Variants in FAM161A observed in about 807,000 individuals in gnomAD.
FAM161A encodes FAM161 centrosomal protein A, also known as protein FAM161A.
FAM161A carries 57 observed loss-of-function variants against 70.9 expected under a neutral mutation model. The ratio of observed to expected loss-of-function variants is 0.80; its 90% CI spans 0.65 to 1.00. The LOEUF (loss-of-function observed/expected upper bound fraction) is 1.00. Among genes scored for constraint, FAM161A ranks in the 50% least tolerant of loss-of-function variants. FAM161A has a pLI of 0.00. For synonymous variants in FAM161A, 299 were observed against 295.7 expected (o/e 1.01, Z -0.12); for missense variants, 880 against 836.0 (o/e 1.05, Z -0.65).
chr2:61,804,358 C>A, the FAM161A span, among the ~76,000 whole-genome samples: 1 of 152,122 alleles, frequency 6.6e-6, no homozygotes, highest in Non-Finnish European at 1.5e-5. Flanking sequence ...GGGAATACAG[C>A]CCAGTAGGTC....
chr2:61,801,082 A>ACCG, the FAM161A span, among the ~76,000 whole-genome samples: 1 of 152,028 alleles, frequency 6.6e-6, no homozygotes, highest in African/African-American at 2.4e-5. Flanking sequence ...GGTGTGAGCC[A>ACCG]CCGCACTCAG....
chr2:61,822,894 G>A (rs1194685329), downstream of FAM161A, among the ~76,000 whole-genome samples: 1 of 152,018 alleles, frequency 6.6e-6, no homozygotes, highest in East Asian at 1.9e-4. Context: ...CCGGCCTGAA[G>A]TTAATGATTT....
rs749265910 is a variant in FAM161A, at chr2:61,825,306, A to G, written c.*1149T>C. 2.2e-6 allele frequency: 1 copy of G among 454,214 alleles called. No homozygotes were observed. The highest frequency in any genetic ancestry group is 1.6e-5 in the South Asian group (1 of 64,470). 28.1% of individuals were successfully genotyped at this position (454,214 alleles called of 1,614,324 possible). A position where few individuals can be genotyped will look rare whatever the true frequency, so the allele number is the denominator to read the frequency against. ...GTTGGCAATAATATGTAAAAAGTTG[A>G]ACACAACTGGGTCTAGCAGTGAAGA... On this transcript the variant is annotated 3_prime_UTR_variant, in exon 7 of 7. Coordinates refer to ENST00000404929, the MANE Select transcript of FAM161A (RefSeq NM_001201543.2).
In FAM161A at chr2:61,826,443, GA is replaced by G; in HGVS notation, c.*11del. The G allele has an allele frequency of 1.2e-6, 2 of 1,611,520 alleles. No homozygotes were observed. Among genetic ancestry groups the G allele is most frequent in the Non-Finnish European group, 8.5e-7 (1 of 1,178,566 alleles). ...AACAACAGCAAGGGCATAGAGAGGA[GA>G]CCTTGATGATTCAGTGTGATTCTTC... is the stretch of plus-strand genomic sequence containing the variant. On this transcript the variant is annotated 3_prime_UTR_variant, in exon 7 of 7. Transcript: ENST00000404929.
rs371402713 is a variant in FAM161A, at chr2:61,836,080, T to G, written c.1781A>C (p.Tyr594Ser). 2.5e-6 allele frequency: 4 copies of G among 1,611,072 alleles called. No homozygotes were observed. Among genetic ancestry groups the G allele is most frequent in the Non-Finnish European group, 3.4e-6 (4 of 1,178,796 alleles). Residue 594 changes from tyrosine (Y) to serine (S), a missense_variant, in exon 5 of 7, where the codon TAC (tyrosine) becomes TCC (serine). By Grantham distance (144) the Tyr-to-Ser change is moderately radical. Transcript: ENST00000404929. The stretch of plus-strand genomic sequence containing the variant: ...TTCTCTTTCTTCTAGTTCTCGTTGG[T>G]ATTCTCTCATCCTTTCCTTTTCGCT... The part of the protein sequence containing the change: ...RKSEKERMRE[Y>S]QRELEEREEK...
At position 61,824,863 on chromosome 2, in the gene FAM161A, A is replaced by T. The variant is rs748710402; in HGVS notation, c.*1592T>A. ...AAAAACCATATTCATCTACACACTC[A>T]TTCAAACCTTTATTAAGTACCTACC... On this transcript the variant is annotated 3_prime_UTR_variant, in exon 7 of 7. Transcript: ENST00000404929. The T allele has an allele frequency of 4.1e-5, 17 of 414,520 alleles. No homozygotes were observed. Among genetic ancestry groups the T allele is most frequent in the South Asian group, 2.7e-4 (15 of 55,550 alleles). 25.7% of individuals were successfully genotyped at this position (414,520 alleles called of 1,614,324 possible).
intron 2 of FAM161A, 26 bp downstream of exon 2, chr2:61,842,096 C>A (rs1673037532): frequency 1.5e-6 from 2 of 1,333,294 alleles, no homozygotes; most frequent in African/African-American, 1.4e-5. Context: ...TTATACTCCA[C>A]AAATAACATT....
chr2:61,823,907 T>C (rs1672265482), downstream of FAM161A, among the ~76,000 whole-genome samples: 3 of 152,182 alleles, frequency 2.0e-5, no homozygotes, highest in Admixed American at 2.0e-4. Flanking sequence ...GATACAAATG[T>C]AAAAAATTTT....
chr2:61,802,476 G>A, the FAM161A span, among the ~76,000 whole-genome samples: 3 of 152,208 alleles, frequency 2.0e-5, no homozygotes, highest in East Asian at 5.8e-4. Context: ...TTAAAACAGG[G>A]ATGATGCTCT....
chr2:61,820,792 G>A (rs1672187060), downstream of FAM161A, among the ~76,000 whole-genome samples: 1 of 152,160 alleles, frequency 6.6e-6, no homozygotes, highest in South Asian at 2.1e-4. Flanking sequence ...AAACTTAATT[G>A]TGAGTTGATA....
intron 5 of FAM161A, among the ~76,000 whole-genome samples, chr2:61,832,047 C>G (rs932499001): frequency 6.6e-6 from 1 of 152,006 alleles, no homozygotes; most frequent in Admixed American, 6.6e-5. Flanking sequence ...AGCTTAAGAC[C>G]AGCATGGACA....
intron 4 of FAM161A, among the ~76,000 whole-genome samples, chr2:61,838,066 A>G (rs1325111523): frequency 6.6e-6 from 1 of 152,244 alleles, no homozygotes; most frequent in African/African-American, 2.4e-5. Flanking sequence ...GAATTCCGTG[A>G]ATATTTTTAT....
the FAM161A span, among the ~76,000 whole-genome samples, chr2:61,804,503 G>A: frequency 2.6e-5 from 4 of 151,880 alleles, no homozygotes; most frequent in African/African-American, 4.8e-5. Context: ...TGGTCAACAC[G>A]GTGAAACCCC....
At chr2:61,838,990 C>T (rs1672891059) in intron 3 of FAM161A, among the ~76,000 whole-genome samples, 1 of 151,614 alleles carries the variant, frequency 6.6e-6, no homozygotes. Context: ...TCAAGCGATT[C>T]TCCTGCCTCA....
At chr2:61,831,565 G>A (rs1389662948) in intron 5 of FAM161A, among the ~76,000 whole-genome samples, 1 of 152,186 alleles carries the variant, frequency 6.6e-6, no homozygotes, top group East Asian at 1.9e-4. Context: ...CATTTGTTGA[G>A]AAGGGGGCAG....
At chr2:61,816,258 T>C in the FAM161A span, among the ~76,000 whole-genome samples, 1 of 152,118 alleles carries the variant, frequency 6.6e-6, no homozygotes, top group Non-Finnish European at 1.5e-5. Context: ...AACACACTTT[T>C]TTCACTTTAT....
the FAM161A span, among the ~76,000 whole-genome samples, chr2:61,816,414 T>C: frequency 1.3e-5 from 2 of 152,084 alleles, no homozygotes; most frequent in Non-Finnish European, 2.9e-5. Flanking sequence ...GGAGTTAGGA[T>C]TTATTCTCTC....
the FAM161A span, among the ~76,000 whole-genome samples, chr2:61,813,420 C>T: frequency 2.6e-5 from 4 of 151,452 alleles, no homozygotes; most frequent in East Asian, 3.9e-4. Context: ...TGGTGATGCA[C>T]GTCTGTAGTA....
Position 61,842,180 on chromosome 2 carries a change from G to A in FAM161A, c.364C>T (p.His122Tyr), listed in dbSNP as rs376024034. The change falls in exon 2 of 7, where the codon CAT becomes TAT. Residue 122 changes from histidine (H) to tyrosine (Y), a missense_variant. Coordinates refer to ENST00000404929, the MANE Select transcript of FAM161A (RefSeq NM_001201543.2). ...ACCACTGGCTGAACTTCCTTTAAAT[G>A]TAATTTATCCTGGTACATTTTCTCT... ...KLEKMYQDKL[H>Y]LKEVQPVVIR... is the part of the protein sequence containing the mutation. 1.1e-5 allele frequency: 18 copies of A among 1,613,666 alleles called. No homozygotes were observed. Among genetic ancestry groups the A allele is most frequent in the Non-Finnish European group, 1.4e-5 (17 of 1,179,762 alleles).
Sources: allele counts gnomAD v4.1 joint callset (sites outside exome capture counted in the v4.1 genomes callset), GRCh38; gene constraint gnomAD v4.1.1; transcripts MANE v1.5; gene names NCBI Gene and HGNC (gene_info 2026-07-23, HGNC 2026-07-21).